PRAG1: variants seen among roughly 807,000 people sequenced by gnomAD.
PRAG1 encodes the protein inactive tyrosine-protein kinase PRAG1.
PRAG1 carries 110 observed loss-of-function variants against 95.6 expected under a neutral mutation model. That is an observed-to-expected ratio of 1.15 (90% CI 0.99 to 1.35). PRAG1 has a LOEUF of 1.35. Ranked by LOEUF, PRAG1 falls within the 40% of genes most tolerant of loss-of-function variation. The pLI is 0.00. For synonymous variants in PRAG1, 1,052 were observed against 819.4 expected (o/e 1.28, Z -4.85); for missense variants, 2,554 against 1,864.7 (o/e 1.37, Z -6.81).
Position 8,327,959 on chromosome 8 carries a change from G to C in PRAG1, c.2823C>G (p.Leu941=). ...CCTCCTTGCTGCTGATGTTGCTCAG[G>C]AGACCGTGCAGCTGAAGCTGGGTGC... ...TGSTQLQLHG[L]LSNISSKEGT... The change falls in exon 5 of 6, where the codon CTC becomes CTG. Residue 941 remains leucine, a synonymous_variant. Coordinates refer to ENST00000615670, the MANE Select transcript of PRAG1 (RefSeq NM_001080826.3). 6.2e-7 allele frequency: 1 copy of C among 1,609,590 alleles called. No individual in the cohort carries two copies. Among genetic ancestry groups the C allele is most frequent in the Non-Finnish European group, 8.5e-7 (1 of 1,177,150 alleles).
At chr8:8,341,223 C>T (rs1008958349) in intron 3 of PRAG1, among the ~76,000 whole-genome samples, 1 of 152,142 alleles carries the variant, frequency 6.6e-6, no homozygotes, top group East Asian at 1.9e-4. Flanking sequence ...GGCTACAGAG[C>T]TGGCACAGCT....
intron 1 of PRAG1, among the ~76,000 whole-genome samples, chr8:8,385,290 C>A (rs4240617): frequency 0.33 from 50,764 of 151,990 alleles, 8,973 homozygotes; most frequent in East Asian, 0.59. Flanking sequence ...ACCCACTAGC[C>A]CCCTGCCTCC....
At chr8:8,329,924 G>A (rs149182764) in intron 4 of PRAG1, among the ~76,000 whole-genome samples, 52 of 152,340 alleles carry the variant, frequency 3.4e-4, no homozygotes, top group Non-Finnish European at 6.6e-4. Flanking sequence ...TGAATGCAAC[G>A]CTGACGGGAG....
chr8:8,349,549 TG>T (rs1386722488), intron 3 of PRAG1, among the ~76,000 whole-genome samples: 1 of 152,162 alleles, frequency 6.6e-6, no homozygotes. Flanking sequence ...CCCAAAGTGC[TG>T]GGATTACAGG....
intron 2 of PRAG1, among the ~76,000 whole-genome samples, chr8:8,381,109 T>A (rs575708867): frequency 6.6e-6 from 1 of 152,196 alleles, no homozygotes; most frequent in Non-Finnish European, 1.5e-5. Context: ...TATATATATT[T>A]AAAATGATCA....
At chr8:8,332,463 C>G (rs1002862352) in intron 4 of PRAG1, among the ~76,000 whole-genome samples, 21 of 152,104 alleles carry the variant, frequency 1.4e-4, no homozygotes, top group African/African-American at 4.1e-4. Flanking sequence ...TGTGCCCGGT[C>G]TATTATGATT....
At chr8:8,378,183 C>CTGTAG in intron 2 of PRAG1, 105 bp from the exon 3 acceptor site, 10 of 1,363,178 alleles carry the variant, frequency 7.3e-6, no homozygotes, top group Non-Finnish European at 8.8e-6. Context: ...AGAATGTCTT[C>CTGTAG]TGTAGTGCAG....
intron 3 of PRAG1, among the ~76,000 whole-genome samples, chr8:8,371,243 T>C (rs1474452630): frequency 6.6e-6 from 1 of 151,928 alleles, no homozygotes; most frequent in African/African-American, 2.4e-5. Flanking sequence ...GGGTTAAAAT[T>C]GAAATTCAAT....
chr8:8,334,943 G>A (rs1268700441), intron 4 of PRAG1, among the ~76,000 whole-genome samples: 2 of 151,886 alleles, frequency 1.3e-5, no homozygotes, highest in African/African-American at 2.4e-5. Context: ...TTAGCCAGGC[G>A]TGGTGGCGCG....
In PRAG1 at chr8:8,376,358, T is replaced by G. The variant is rs774909491; in HGVS notation, c.2051A>C (p.Asn684Thr). Residue 684 changes from asparagine to threonine, a missense_variant, in exon 3 of 6, where the codon AAC becomes ACC. Transcript: ENST00000615670. ...LHPTDGSSGQ[N>T]SKVGTGMSKS... The stretch of plus-strand genomic sequence containing the variant: ...GCTCATCCCGGTCCCAACTTTGCTG[T>G]TCTGCCCAGAGGAGCCATCTGTGGG... The G allele has an allele frequency of 5.0e-6, 8 of 1,614,216 alleles. No homozygotes were observed. The East Asian group carries it at 1.8e-4, about 36-fold the overall frequency.
At chr8:8,329,322 G>C (rs1012062317) in intron 4 of PRAG1, among the ~76,000 whole-genome samples, 1 of 152,082 alleles carries the variant, frequency 6.6e-6, no homozygotes, top group African/African-American at 2.4e-5. Context: ...GAGCCCGGGA[G>C]ATGGAGGTTG....
chr8:8,332,050 C>T (rs1182858702), intron 4 of PRAG1, among the ~76,000 whole-genome samples: 1 of 152,222 alleles, frequency 6.6e-6, no homozygotes, highest in African/African-American at 2.4e-5. Context: ...TATCCACGCC[C>T]TTGCCCAGCA....
At chr8:8,379,972 G>A (rs756643829) in intron 2 of PRAG1, among the ~76,000 whole-genome samples, 9 of 152,330 alleles carry the variant, frequency 5.9e-5, no homozygotes, top group South Asian at 2.1e-4. Flanking sequence ...CAGGCATGGT[G>A]GCTTATGCCT....
intron 5 of PRAG1, among the ~76,000 whole-genome samples, chr8:8,322,636 T>C (rs1480301155): frequency 6.6e-6 from 1 of 152,160 alleles, no homozygotes; most frequent in East Asian, 1.9e-4. Flanking sequence ...TAGGGCAGTC[T>C]CTTCAAGTCT....
intron 3 of PRAG1, among the ~76,000 whole-genome samples, chr8:8,357,914 T>C (rs1799730612): frequency 6.6e-6 from 1 of 152,208 alleles, no homozygotes; most frequent in African/African-American, 2.4e-5. Context: ...TCTTGTTAGT[T>C]GTCCACCCCA....
rs756431388 is a variant in PRAG1, at chr8:8,319,238, T to C, written c.3137A>G (p.Asn1046Ser). 2 of 1,562,402 alleles carry C rather than the reference T, an allele frequency of 1.3e-6. No individual in the cohort carries two copies. Among genetic ancestry groups the C allele is most frequent in the African/African-American group, 1.3e-5 (1 of 74,198 alleles). The change falls in exon 6 of 6, where the codon AAC (asparagine) becomes AGC (serine). Residue 1046 changes from asparagine to serine, a missense_variant. Asn to Ser is a conservative substitution (Grantham distance 46). Coordinates refer to ENST00000615670, the MANE Select transcript of PRAG1 (RefSeq NM_001080826.3). ...YCSPSVPVHF[N>S]IQQDCGHFVA... Reference sequence around the variant, plus strand: ...GAAGTGGCCGCAGTCCTGCTGGATGTTAAAGTGCACGGGCACGGACGGGCT... The same window carrying C: ...GAAGTGGCCGCAGTCCTGCTGGATGCTAAAGTGCACGGGCACGGACGGGCT...
chr8:8,371,229 T>C (rs921448366), intron 3 of PRAG1, among the ~76,000 whole-genome samples: 33 of 151,550 alleles, frequency 2.2e-4, no homozygotes, highest in African/African-American at 8.0e-4. Context: ...ATTTAGCAAG[T>C]TGTGGGTTAA....
chr8:8,352,683 T>G (rs1345812308), intron 3 of PRAG1, among the ~76,000 whole-genome samples: 4 of 152,228 alleles, frequency 2.6e-5, no homozygotes, highest in Non-Finnish European at 2.9e-5. Flanking sequence ...GTTTTTCCCT[T>G]CATCTCTACC....
chr8:8,350,152 T>C (rs1296246208), intron 3 of PRAG1, among the ~76,000 whole-genome samples: 4 of 152,210 alleles, frequency 2.6e-5, no homozygotes, highest in South Asian at 2.1e-4. Context: ...AAGTCTTTTA[T>C]TTGTGGCCCC....
Sources: gnomAD v4.1 joint callset for allele counts (sites outside exome capture counted in the v4.1 genomes callset) on GRCh38, gnomAD v4.1.1 for gene constraint, MANE v1.5 for transcripts, NCBI Gene and HGNC (gene_info 2026-07-23, HGNC 2026-07-21) for gene names.